FSTL4: variants seen among roughly 807,000 people sequenced by gnomAD.
FSTL4 encodes follistatin like 4.
Under a neutral mutation model 78.2 loss-of-function variants are expected in FSTL4, and 28 were observed. The ratio of observed to expected loss-of-function variants is 0.36; its 90% CI spans 0.27 to 0.49. The LOEUF (loss-of-function observed/expected upper bound fraction) is 0.49, where lower values mean the gene tolerates loss of function less well. Among genes scored for constraint, FSTL4 ranks in the 20% least tolerant of loss-of-function variants. FSTL4 has a pLI of 0.98. For synonymous variants in FSTL4, 422 were observed against 440.5 expected (o/e 0.96, Z 0.53); for missense variants, 922 against 1,084.9 (o/e 0.85, Z 2.11).
intron 4 of FSTL4, among the ~76,000 whole-genome samples, chr5:133,349,271 C>T (rs1754766498): frequency 2.0e-5 from 3 of 149,876 alleles, no homozygotes. Context: ...TGCAAGGGTG[C>T]TCCCCTGTTG....
chr5:133,411,441 C>T (rs942125968), intron 3 of FSTL4, among the ~76,000 whole-genome samples: 1 of 152,018 alleles, frequency 6.6e-6, no homozygotes. Context: ...GTCAAGTCTT[C>T]CAAGGTTAAG....
chr5:133,629,935 A>C, the FSTL4 span, among the ~76,000 whole-genome samples: 9,711 of 152,366 alleles, frequency 0.064, 340 homozygotes, highest in South Asian at 0.073. Context: ...GGCCTTTGAT[A>C]AAATTCAACA....
In FSTL4 at chr5:133,574,156, T is replaced by C. The variant is rs1166128912; in HGVS notation, c.127-6937A>G. 2.0e-5 allele frequency among the ~76,000 whole-genome samples: 3 copies of C among 152,210 alleles called. 1 individual carries two copies. Among genetic ancestry groups the C allele is most frequent in the Non-Finnish European group, 4.4e-5 (3 of 68,030 alleles). On this transcript the variant is annotated intron_variant, in intron 2 of 15. Coordinates refer to ENST00000265342, the MANE Select transcript of FSTL4 (RefSeq NM_015082.2). ...TCTTACGAATGACTTATTGAGAATA[T>C]ATAAAATACTTTTGCAAATCAATAA...
rs1165978122 is a variant in FSTL4, at chr5:133,589,290, A to T, written c.126+14568T>A. 1.6e-4 allele frequency among the ~76,000 whole-genome samples: 14 copies of T among 87,648 alleles called. 3 individuals carry two copies. The highest frequency in any genetic ancestry group is 4.2e-4 in the African/African-American group (12 of 28,714). 57.5% of individuals were successfully genotyped at this position (87,648 alleles called of 152,430 possible). A position where few individuals can be genotyped will look rare whatever the true frequency, so the allele number is the denominator to read the frequency against. On this transcript the variant is annotated intron_variant, in intron 2 of 15. Coordinates refer to ENST00000265342, the MANE Select transcript of FSTL4 (RefSeq NM_015082.2). ...ACCCTAAAACTTAGAGTATAATAAA[A>T]AAAAAAAAAAAGATCAAGGCCCCAG... is the stretch of plus-strand genomic sequence containing the variant.
At chr5:133,229,595 G>A (rs952369164) in intron 8 of FSTL4, among the ~76,000 whole-genome samples, 2 of 152,072 alleles carry the variant, frequency 1.3e-5, no homozygotes, top group East Asian at 3.9e-4. Context: ...TCCAAGAACA[G>A]CTGAGGAAAT....
rs541708095 is a variant in FSTL4, at chr5:133,343,391, G to A, written c.410-26739C>T. ...CAGCCAGCATCTGGGCTCCCTGGGA[G>A]GCTGGCCCACGGCCACCTCTCTGTT... On this transcript the variant is annotated intron_variant, in intron 4 of 15. Transcript: ENST00000265342. Among the ~76,000 whole-genome samples the A allele has an allele frequency of 5.3e-5, 8 of 152,312 alleles. No homozygotes were observed. The East Asian group carries it at 1.5e-3, about 29-fold the overall frequency.
intron 4 of FSTL4, among the ~76,000 whole-genome samples, chr5:133,358,399 T>A (rs564395118): frequency 1.1e-4 from 17 of 152,100 alleles, no homozygotes; most frequent in Non-Finnish European, 1.3e-4. Context: ...AATGACGGCC[T>A]TACGTGTTGT....
At chr5:133,451,883 C>T (rs566901738) in intron 3 of FSTL4, among the ~76,000 whole-genome samples, 3 of 152,334 alleles carry the variant, frequency 2.0e-5, no homozygotes, top group Middle Eastern at 3.4e-3. Context: ...AAGAGAGCAT[C>T]GAGATTGCGC....
At chr5:133,449,742 G>A (rs969325019) in intron 3 of FSTL4, among the ~76,000 whole-genome samples, 4 of 152,284 alleles carry the variant, frequency 2.6e-5, no homozygotes, top group African/African-American at 9.6e-5. Context: ...TCCCTGTTGG[G>A]TGCGCTCTTT....
intron 4 of FSTL4, among the ~76,000 whole-genome samples, chr5:133,393,196 C>T (rs780622596): frequency 2.0e-5 from 3 of 151,898 alleles, no homozygotes; most frequent in Non-Finnish European, 4.4e-5. Flanking sequence ...ACAGAATCCG[C>T]GGAGGAGTGA....
chr5:133,260,608 A>G (rs559775473), intron 6 of FSTL4, among the ~76,000 whole-genome samples: 4 of 152,202 alleles, frequency 2.6e-5, no homozygotes, highest in Non-Finnish European at 5.9e-5. Context: ...CACGGCTCCC[A>G]GGGACCTCCG....
At chr5:133,833,433 C>T in the FSTL4 span, among the ~76,000 whole-genome samples, 10 of 152,182 alleles carry the variant, frequency 6.6e-5, no homozygotes, top group East Asian at 1.9e-4. Context: ...TTAATCTGTT[C>T]GTTAAAGCAG....
rs113612400 is a variant in FSTL4, at chr5:133,432,489, G to A, written c.161-31503C>T. 2.8e-3 allele frequency among the ~76,000 whole-genome samples: 423 copies of A among 152,294 alleles called. 3 individuals are homozygous for A. The highest frequency in any genetic ancestry group is 9.6e-3 in the African/African-American group (400 of 41,558). The stretch of plus-strand genomic sequence containing the variant: ...CCCTTCTGCCAAACCTACCTTGTGG[G>A]GGTGGTGTGAGAATTAAGAGTTCGA... On this transcript the variant is annotated intron_variant, in intron 3 of 15. Transcript: ENST00000265342.
At chr5:133,572,481 CA>C (rs55829059) in intron 2 of FSTL4, among the ~76,000 whole-genome samples, 3 of 151,438 alleles carry the variant, frequency 2.0e-5, no homozygotes, top group Admixed American at 6.6e-5. Context: ...GATATTTAGA[CA>C]AAAAAACCCT....
At chr5:133,651,945 C>A in the FSTL4 span, among the ~76,000 whole-genome samples, 17 of 151,936 alleles carry the variant, frequency 1.1e-4, no homozygotes, top group African/African-American at 3.6e-4. Flanking sequence ...AGATATAGGC[C>A]CTTTCAGATT....
At chr5:133,495,455 C>T (rs920020266) in intron 3 of FSTL4, among the ~76,000 whole-genome samples, 4 of 152,136 alleles carry the variant, frequency 2.6e-5, no homozygotes, top group East Asian at 1.9e-4. Flanking sequence ...AGGGGATGAG[C>T]GATAATCCAA....
the FSTL4 span, among the ~76,000 whole-genome samples, chr5:133,632,200 T>G: frequency 1.3e-5 from 2 of 152,160 alleles, no homozygotes; most frequent in African/African-American, 4.8e-5. Context: ...TTACTAGTTT[T>G]ATAATTTCAC....
intron 4 of FSTL4, among the ~76,000 whole-genome samples, chr5:133,354,515 G>A (rs1341065443): frequency 3.3e-5 from 5 of 152,206 alleles, no homozygotes; most frequent in Admixed American, 3.3e-4. Flanking sequence ...AGGTCTCACT[G>A]AGGAAGTAAA....
intron 3 of FSTL4, among the ~76,000 whole-genome samples, chr5:133,513,852 C>T (rs1157851216): frequency 6.6e-6 from 1 of 152,256 alleles, no homozygotes; most frequent in Non-Finnish European, 1.5e-5. Flanking sequence ...CAGAAGAAAA[C>T]GTAAGAGAAC....
Sources: gnomAD v4.1 joint callset for allele counts (sites outside exome capture counted in the v4.1 genomes callset) on GRCh38, gnomAD v4.1.1 for gene constraint, MANE v1.5 for transcripts, NCBI Gene and HGNC (gene_info 2026-07-23, HGNC 2026-07-21) for gene names.